ARMC9: variants seen among roughly 807,000 people sequenced by gnomAD.
ARMC9 encodes armadillo repeat containing 9.
A neutral mutation model predicts 107.0 loss-of-function variants in ARMC9; 94 were observed. The observed-to-expected ratio is 0.88, with a 90% CI of 0.74 to 1.04. ARMC9 has a LOEUF of 1.04. Among genes scored for constraint, ARMC9 ranks in the 50% least tolerant of loss-of-function variants. The probability of loss-of-function intolerance (pLI) is 0.00; values close to 1 mark genes in which losing one functional copy is unlikely to be tolerated. For synonymous variants in ARMC9, 380 were observed against 396.9 expected (o/e 0.96, Z 0.51); for missense variants, 942 against 1,030.1 (o/e 0.91, Z 1.17).
At position 231,360,890 on chromosome 2, in the gene ARMC9, G is replaced by A. The variant is rs1559504969; in HGVS notation, c.2261+7G>A. 1 of 1,521,468 alleles carries A rather than the reference G, an allele frequency of 6.6e-7. No homozygotes were observed. The highest frequency in any genetic ancestry group is 8.8e-7 in the Non-Finnish European group (1 of 1,140,304). The allele number at this position is 1,521,468 out of a possible 1,614,324, so 94.2% of individuals were successfully genotyped here. A position where few individuals can be genotyped will look rare whatever the true frequency, so the allele number is the denominator to read the frequency against. ...GCAATGGAGTGACCACCAGGTAAGG[G>A]GGATATCACAAGGCCTCGAACCTGA... On this transcript the variant is annotated splice_region_variant and intron_variant, in intron 23 of 24. Transcript: ENST00000611582. The surrounding 1 kb of genome is among the most constrained non-coding windows in gnomAD (Gnocchi z 4.7).
intron 12 of ARMC9, among the ~76,000 whole-genome samples, chr2:231,264,355 T>C (rs906870747): frequency 6.6e-6 from 1 of 151,412 alleles, no homozygotes; most frequent in Admixed American, 6.6e-5. Context: ...ATTTTTTTAT[T>C]TTTAGTAGAG....
intron 20 of ARMC9, among the ~76,000 whole-genome samples, chr2:231,333,767 CACAG>C (rs1262622379): frequency 1.3e-5 from 2 of 152,182 alleles, no homozygotes; most frequent in African/African-American, 4.8e-5. Flanking sequence ...CACACTACCG[CACAG>C]ACAGACACGC....
chr2:231,296,030 C>G, intron 18 of ARMC9, 168 bp from the exon 19 acceptor site: 1 of 456,870 alleles, frequency 2.2e-6, no homozygotes. Flanking sequence ...TTAGGATGAT[C>G]TCAGACAGTG....
At chr2:231,337,290 A>ATATATATATATATATATTTTTTT (rs1343774735) in intron 20 of ARMC9, among the ~76,000 whole-genome samples, 3 of 38,014 alleles carry the variant, frequency 7.9e-5, no homozygotes, top group African/African-American at 3.7e-4. Flanking sequence ...ATATATATAT[A>ATATATATATATATATATTTTTTT]TTTTTTTTTT....
intron 12 of ARMC9, among the ~76,000 whole-genome samples, chr2:231,265,879 GCA>G (rs1271706989): frequency 7.3e-5 from 11 of 151,708 alleles, no homozygotes; most frequent in Non-Finnish European, 1.5e-4. Flanking sequence ...ATGGTGGTGT[GCA>G]CCTGTAATCC....
chr2:231,199,718 C>T (rs543419058), intron 1 of ARMC9, among the ~76,000 whole-genome samples: 2 of 152,042 alleles, frequency 1.3e-5, no homozygotes, highest in Admixed American at 6.5e-5. Context: ...TTTTTTGAGA[C>T]GGAGTCTTTC....
chr2:231,357,766 G>A (rs369385392), intron 22 of ARMC9, among the ~76,000 whole-genome samples: 2 of 152,098 alleles, frequency 1.3e-5, no homozygotes, highest in Non-Finnish European at 2.9e-5. Context: ...TAAAGACGAA[G>A]TTTGCTGTTG....
intron 14 of ARMC9, 95 bp downstream of exon 14, chr2:231,273,173 T>C (rs540193784): frequency 3.1e-5 from 46 of 1,491,436 alleles, no homozygotes; most frequent in Non-Finnish European, 6.3e-6. Context: ...ATTTTTCCAC[T>C]ACACTTTGGA....
At chr2:231,280,303 C>T (rs1243068399) in intron 16 of ARMC9, among the ~76,000 whole-genome samples, 3 of 151,952 alleles carry the variant, frequency 2.0e-5, no homozygotes, top group Non-Finnish European at 4.4e-5. Context: ...ACTGAAAATA[C>T]AAAAATTAGC....
At chr2:231,345,595 G>A (rs1002577540) in intron 21 of ARMC9, among the ~76,000 whole-genome samples, 2 of 152,102 alleles carry the variant, frequency 1.3e-5, no homozygotes, top group Non-Finnish European at 1.5e-5. Flanking sequence ...TTTTAGTCTC[G>A]TTACGTAGAG....
chr2:231,342,628 G>A (rs904867846), intron 20 of ARMC9, among the ~76,000 whole-genome samples: 7 of 152,260 alleles, frequency 4.6e-5, no homozygotes, highest in Middle Eastern at 3.4e-3. Context: ...CGTGATGAGA[G>A]CGTGTAAAGC....
At chr2:231,227,792 TG>T (rs1299164803) in intron 7 of ARMC9, among the ~76,000 whole-genome samples, 1 of 152,244 alleles carries the variant, frequency 6.6e-6, no homozygotes, top group Non-Finnish European at 1.5e-5. Flanking sequence ...AGGCTTCGGA[TG>T]CTTGGTTTTG....
At chr2:231,222,940 C>A in intron 6 of ARMC9, 120 bp downstream of exon 6, 1 of 590,514 alleles carries the variant, frequency 1.7e-6, no homozygotes, top group South Asian at 2.5e-5. Flanking sequence ...AATAGTGTTG[C>A]TTTCATATTT....
At position 231,262,385 on chromosome 2, in the gene ARMC9, A is replaced by G; in HGVS notation, c.1106A>G (p.Tyr369Cys). ...AYISNDLLDCYSHNQRSVLQL... is the reference protein window; with the variant it reads ...AYISNDLLDCCSHNQRSVLQL... Reference sequence around the variant, plus strand: ...ATCAGCAATGACCTCTTGGACTGTTATAGCCACAACCAGGTTGGTAAGAGG... The same window carrying G: ...ATCAGCAATGACCTCTTGGACTGTTGTAGCCACAACCAGGTTGGTAAGAGG... Residue 369 changes from tyrosine to cysteine, a missense_variant, in exon 12 of 25, where the codon TAT becomes TGT. Tyr to Cys is a radical substitution (Grantham distance 194). Coordinates refer to ENST00000611582, the MANE Select transcript of ARMC9 (RefSeq NM_001352754.2). 6.2e-7 allele frequency: 1 copy of G among 1,614,150 alleles called. No homozygotes were observed. Among genetic ancestry groups the G allele is most frequent in the Non-Finnish European group, 8.5e-7 (1 of 1,179,976 alleles).
intron 14 of ARMC9, among the ~76,000 whole-genome samples, chr2:231,275,386 A>T (rs1231290862): frequency 1.3e-5 from 2 of 152,186 alleles, no homozygotes; most frequent in East Asian, 3.9e-4. Flanking sequence ...TCTCATAATG[A>T]TACCACACTT....
At chr2:231,239,086 G>A (rs2036038648) in intron 8 of ARMC9, among the ~76,000 whole-genome samples, 1 of 152,192 alleles carries the variant, frequency 6.6e-6, no homozygotes, top group African/African-American at 2.4e-5. Context: ...CAATTATCAT[G>A]CCTAGAAAAA....
rs1179110959 is a variant in ARMC9, at chr2:231,226,939, G to C, written c.622+141G>C. ...ATTTATGAAAGGCTTTGCAGTCATAGTGACCTGCAGTTCCTTGAGGCCCAT... is the reference window on the plus strand; with the variant it reads ...ATTTATGAAAGGCTTTGCAGTCATACTGACCTGCAGTTCCTTGAGGCCCAT... On this transcript the variant is annotated intron_variant, in intron 7 of 24. Coordinates refer to ENST00000611582, the MANE Select transcript of ARMC9 (RefSeq NM_001352754.2). 4.3e-6 allele frequency: 4 copies of C among 940,448 alleles called. No individual in the cohort carries two copies. The African/African-American group carries it at 6.8e-5, about 16-fold the overall frequency. The allele number at this position is 940,448 out of a possible 1,614,324, so 58.3% of individuals were successfully genotyped here.
intron 4 of ARMC9, among the ~76,000 whole-genome samples, chr2:231,215,972 T>C (rs150921351): frequency 7.9e-5 from 12 of 152,336 alleles, no homozygotes; most frequent in African/African-American, 1.7e-4. Flanking sequence ...TTAGTCTATG[T>C]ACGAGACTGT....
At chr2:231,349,132 C>T (rs1181379883) in intron 21 of ARMC9, among the ~76,000 whole-genome samples, 1 of 152,198 alleles carries the variant, frequency 6.6e-6, no homozygotes, top group Non-Finnish European at 1.5e-5. Flanking sequence ...GCTCTGCACC[C>T]CATGCTTGCT....
Sources: allele counts gnomAD v4.1 joint callset (sites outside exome capture counted in the v4.1 genomes callset), GRCh38; gene constraint gnomAD v4.1.1; non-coding constraint Gnocchi (gnomAD v3.1); transcripts MANE v1.5; gene names NCBI Gene and HGNC (gene_info 2026-07-23, HGNC 2026-07-21).